The following STAT4 variants were observed in gnomAD, a reference collection of about 807,000 sequenced individuals.
The protein encoded by STAT4 is signal transducer and activator of transcription 4.
A neutral mutation model predicts 110.5 loss-of-function variants in STAT4; 42 were observed. That is an observed-to-expected ratio of 0.38 (90% CI 0.30 to 0.49). The LOEUF is 0.49. STAT4 is among the 20% of genes least tolerant of loss of function. The pLI, the probability that STAT4 is intolerant of heterozygous loss-of-function variation, is 0.95. For synonymous variants in STAT4, 284 were observed against 302.2 expected, an observed-to-expected ratio of 0.94 and a Z score of 0.63; for missense variants, 632 against 887.9, an observed-to-expected ratio of 0.71 and a Z score of 3.66.
rs913912648 is a variant in STAT4, at chr2:191,059,406, T to C, written c.1035-637A>G. Among the ~76,000 whole-genome samples the C allele has an allele frequency of 1.3e-5, 2 of 152,232 alleles. No individual in the cohort carries two copies. The highest frequency in any genetic ancestry group is 4.8e-5 in the African/African-American group (2 of 41,456). ...TTATTCTTTTGCTTTCTCCAGCTCCTCAGATTTCTGTCCTGTGATGTAACC... is the reference window on the plus strand; with the variant it reads ...TTATTCTTTTGCTTTCTCCAGCTCCCCAGATTTCTGTCCTGTGATGTAACC... On this transcript the variant is annotated intron_variant, in intron 10 of 23. Transcript: ENST00000392320. This position sits in a 1 kb window ranked among gnomAD's most constrained non-coding sequence, Gnocchi z 4.7.
chr2:191,071,182 A>C (rs989682969), intron 5 of STAT4, among the ~76,000 whole-genome samples: 3 of 152,182 alleles, frequency 2.0e-5, no homozygotes, highest in Admixed American at 2.0e-4. Flanking sequence ...AAAGTAAACT[A>C]TTTCCATTTT....
In STAT4 at chr2:191,053,911, T is replaced by C. The variant is rs886916328; in HGVS notation, c.1251+579A>G. Among the ~76,000 whole-genome samples, 2 of 152,150 alleles carry C rather than the reference T, an allele frequency of 1.3e-5. No homozygotes were observed. Among genetic ancestry groups the C allele is most frequent in the African/African-American group, 4.8e-5 (2 of 41,434 alleles). Reference sequence around the variant, plus strand: ...TGGGAGACAAGGTGGGTGGATCACTTGAGCCAAGGGGTTCAAGACCAGCCT... The same window carrying C: ...TGGGAGACAAGGTGGGTGGATCACTCGAGCCAAGGGGTTCAAGACCAGCCT... On this transcript the variant is annotated intron_variant, in intron 14 of 23. Transcript: ENST00000392320. The surrounding 1 kb of genome is among the most constrained non-coding windows in gnomAD (Gnocchi z 4.5).
chr2:191,064,720 G>C (rs1157355883), intron 8 of STAT4, 87 bp downstream of exon 8: 1 of 1,507,722 alleles, frequency 6.6e-7, no homozygotes, highest in Non-Finnish European at 8.9e-7. Context: ...TGATGTTGCA[G>C]TCTAAACCTG....
rs142185462 is a variant in STAT4 at position 191,030,470 on chromosome 2, A to G, written c.2220+502T>C. Among the ~76,000 whole-genome samples, 258 of 152,336 alleles carry G rather than the reference A, an allele frequency of 1.7e-3. 1 individual carries two copies. The highest frequency in any genetic ancestry group is 3.0e-3 in the Non-Finnish European group (201 of 68,024). ...ATTATTATGCCATTGACTGTTATTC[A>G]TATATTATTGATGAGGCTCCGGGTT... On this transcript the variant is annotated intron_variant, in intron 23 of 23. Transcript: ENST00000392320. The surrounding 1 kb of genome is among the most constrained non-coding windows in gnomAD (Gnocchi z 4.4).
intron 3 of STAT4, among the ~76,000 whole-genome samples, chr2:191,108,837 A>C (rs6752770): frequency 6.6e-6 from 1 of 152,164 alleles, no homozygotes; most frequent in South Asian, 2.1e-4. Flanking sequence ...CACTGTGTAC[A>C]TGCCCTTCAA....
intron 3 of STAT4, among the ~76,000 whole-genome samples, chr2:191,079,052 A>C (rs1697392322): frequency 6.6e-6 from 1 of 152,054 alleles, no homozygotes; most frequent in Non-Finnish European, 1.5e-5. Flanking sequence ...CTCTGTCATA[A>C]ATCAAGTGTT....
chr2:191,061,832 A>C lies in STAT4; in HGVS notation c.942-11T>G, dbSNP rs920630491. 1 of 1,609,426 alleles carries C rather than the reference A, an allele frequency of 6.2e-7. No homozygotes were observed. The highest frequency in any genetic ancestry group is 1.3e-5 in the African/African-American group (1 of 74,618). ...TCAACCACAAATGAGCTAGATGAAA[A>C]GGAAATAAAGCGCATCATTTGAAAA... is the stretch of plus-strand genomic sequence containing the variant. On this transcript the variant is annotated splice_polypyrimidine_tract_variant and intron_variant, in intron 9 of 23. Coordinates refer to ENST00000392320, the MANE Select transcript of STAT4 (RefSeq NM_003151.4). The surrounding 1 kb of genome is among the most constrained non-coding windows in gnomAD (Gnocchi z 6.2).
chr2:191,049,487 A>G (rs1433717505), intron 14 of STAT4, among the ~76,000 whole-genome samples: 5 of 152,116 alleles, frequency 3.3e-5, no homozygotes, highest in Admixed American at 3.3e-4. Context: ...ACAAATGGTA[A>G]TAGCTTTTAA....
chr2:191,118,119 G>A (rs1698620057), intron 3 of STAT4, among the ~76,000 whole-genome samples: 1 of 152,166 alleles, frequency 6.6e-6, no homozygotes, highest in South Asian at 2.1e-4. Context: ...ACTGCTGGTG[G>A]GAATGTGAAT....
chr2:191,134,362 G>A lies in STAT4; in HGVS notation c.273+12251C>T, dbSNP rs371016293. On this transcript the variant is annotated intron_variant, in intron 3 of 23. Coordinates refer to ENST00000392320, the MANE Select transcript of STAT4 (RefSeq NM_003151.4). Reference sequence around the variant, plus strand: ...TACTGTTGCTATATCCAGCACTTACGAAAGCCACCTAGAGGCTTAATATTT... The same window carrying A: ...TACTGTTGCTATATCCAGCACTTACAAAAGCCACCTAGAGGCTTAATATTT... 1.1e-4 allele frequency among the ~76,000 whole-genome samples: 16 copies of A among 152,252 alleles called. No homozygotes were observed. The South Asian group carries it at 2.1e-3, about 20-fold the overall frequency.
At position 191,060,877 on chromosome 2, in the gene STAT4, A is replaced by AGT. The variant is rs1398529684; in HGVS notation, c.1034+850_1034+851dup. 1.3e-5 allele frequency among the ~76,000 whole-genome samples: 2 copies of AGT among 152,338 alleles called. No homozygotes were observed. Among genetic ancestry groups the AGT allele is most frequent in the South Asian group, 4.1e-4 (2 of 4,826 alleles). On this transcript the variant is annotated intron_variant, in intron 10 of 23. Transcript: ENST00000392320. The surrounding 1 kb of genome is among the most constrained non-coding windows in gnomAD (Gnocchi z 4.5). ...TTCTCTTTAAAAATGGAGTTCCAAT[A>AGT]GTGATATGTGATCAGCAACCTTATC...
At chr2:191,098,450 C>A (rs1698066995) in intron 3 of STAT4, among the ~76,000 whole-genome samples, 1 of 152,168 alleles carries the variant, frequency 6.6e-6, no homozygotes, top group South Asian at 2.1e-4. Flanking sequence ...AGGATGAGTT[C>A]ATGTCCTTTG....
chr2:191,129,264 G>A (rs1258550565), intron 3 of STAT4, among the ~76,000 whole-genome samples: 2 of 152,004 alleles, frequency 1.3e-5, no homozygotes, highest in African/African-American at 2.4e-5. Flanking sequence ...ATAGTAAATG[G>A]GTCAAAGGAG....
chr2:191,056,270 T>C (rs1696689488), intron 13 of STAT4, among the ~76,000 whole-genome samples: 1 of 152,214 alleles, frequency 6.6e-6, no homozygotes, highest in South Asian at 2.1e-4. Context: ...ACATGGTTTC[T>C]GGCGAGAAAA....
intron 3 of STAT4, among the ~76,000 whole-genome samples, chr2:191,126,879 G>A (rs1038950493): frequency 1.3e-5 from 2 of 152,150 alleles, no homozygotes; most frequent in Non-Finnish European, 2.9e-5. Context: ...GAGTACAGTG[G>A]CATGATCACG....
In STAT4 at chr2:191,059,454, T is replaced by G. The variant is rs1696790805; in HGVS notation, c.1035-685A>C. ...ACCTACCTGTGGGTTCAGTGCAGTT[T>G]CAGAGATAGTCATTCAATCCCTCAC... On this transcript the variant is annotated intron_variant, in intron 10 of 23. Coordinates refer to ENST00000392320, the MANE Select transcript of STAT4 (RefSeq NM_003151.4). This position sits in a 1 kb window ranked among gnomAD's most constrained non-coding sequence, Gnocchi z 4.7. 1.3e-5 allele frequency among the ~76,000 whole-genome samples: 2 copies of G among 152,222 alleles called. No homozygotes were observed. The highest frequency in any genetic ancestry group is 4.1e-4 in the South Asian group (2 of 4,834).
rs1205842947 is a variant in STAT4, at chr2:191,046,490, T to C, written c.1252-5342A>G. Among the ~76,000 whole-genome samples, 1 of 151,772 alleles carries C rather than the reference T, an allele frequency of 6.6e-6. No individual in the cohort carries two copies. The highest frequency in any genetic ancestry group is 2.4e-5 in the African/African-American group (1 of 41,286). Reference sequence around the variant, plus strand: ...AAGGTGTCATCTGTGCTTGGGAGAGTAGACCTGGAGAGGCCTACACAGACC... The same window carrying C: ...AAGGTGTCATCTGTGCTTGGGAGAGCAGACCTGGAGAGGCCTACACAGACC... On this transcript the variant is annotated intron_variant, in intron 14 of 23. Coordinates refer to ENST00000392320, the MANE Select transcript of STAT4 (RefSeq NM_003151.4). The surrounding 1 kb of genome is among the most constrained non-coding windows in gnomAD (Gnocchi z 4.6).
chr2:191,117,547 C>T lies in STAT4; in HGVS notation c.273+29066G>A, dbSNP rs1464487995. ...TAAGTGTCAGGATGAGTTGTTTGGA[C>T]ACTAAGTGCTGTGGGAGTGCAGAGG... On this transcript the variant is annotated intron_variant, in intron 3 of 23. Coordinates refer to ENST00000392320, the MANE Select transcript of STAT4 (RefSeq NM_003151.4). This position sits in a 1 kb window ranked among gnomAD's most constrained non-coding sequence, Gnocchi z 5.2. Among the ~76,000 whole-genome samples the T allele has an allele frequency of 6.6e-6, 1 of 152,082 alleles. No homozygotes were observed. The highest frequency in any genetic ancestry group is 1.5e-5 in the Non-Finnish European group (1 of 68,030).
At chr2:191,084,056 G>T (rs773240265) in intron 3 of STAT4, among the ~76,000 whole-genome samples, 6 of 152,036 alleles carry the variant, frequency 3.9e-5, no homozygotes, top group Non-Finnish European at 7.4e-5. Flanking sequence ...GAGGTCAGGA[G>T]TTCGAGACCA....
Sources: gnomAD v4.1 joint callset for allele counts (sites outside exome capture counted in the v4.1 genomes callset) on GRCh38, gnomAD v4.1.1 for gene constraint, Gnocchi (gnomAD v3.1) non-coding constraint, MANE v1.5 for transcripts, NCBI Gene and HGNC (gene_info 2026-07-23, HGNC 2026-07-21) for gene names.